The following IQCM variants were observed in gnomAD, a reference collection of about 807,000 sequenced individuals.
The protein encoded by IQCM is IQ motif containing M, also known as IQ domain-containing protein M.
In IQCM, 45 loss-of-function variants were observed where a neutral mutation model predicts 57.6. The ratio of observed to expected loss-of-function variants is 0.78; its 90% CI spans 0.62 to 1.00. The LOEUF (loss-of-function observed/expected upper bound fraction) is 1.00. Ranked by LOEUF, IQCM falls within the 50% of genes least tolerant of loss-of-function variation. The probability of loss-of-function intolerance (pLI) is 0.00; values close to 1 mark genes in which losing one functional copy is unlikely to be tolerated. For missense variants in IQCM, 468 were observed against 511.6 expected, an observed-to-expected ratio of 0.91 and a Z score of 0.82; for synonymous variants, 148 against 158.9, an observed-to-expected ratio of 0.93 and a Z score of 0.51.
intron 7 of IQCM, among the ~76,000 whole-genome samples, chr4:149,662,676 T>C (rs1760329425): frequency 6.6e-6 from 1 of 151,998 alleles, no homozygotes; most frequent in Non-Finnish European, 1.5e-5. Flanking sequence ...TGTTTCTTTC[T>C]ATAATTTTTT....
At chr4:149,443,660 TAAAGA>T (rs1560844993) in intron 12 of IQCM, among the ~76,000 whole-genome samples, 1 of 68,652 alleles carries the variant, frequency 1.5e-5, no homozygotes, top group African/African-American at 6.3e-5. Context: ...AAGCCAATGG[TAAAGA>T]AAGGAAAGGA....
rs576575454 is a variant in IQCM, at chr4:149,647,624, T to C, written c.566-26380A>G. On this transcript the variant is annotated intron_variant, in intron 7 of 13. Transcript: ENST00000636793. ...CTTATCCTTTTTCTTTTACTTCTTTTGCTTTTCTTTTTTTCTTCTCTTTTT... is the reference window on the plus strand; with the variant it reads ...CTTATCCTTTTTCTTTTACTTCTTTCGCTTTTCTTTTTTTCTTCTCTTTTT... Among the ~76,000 whole-genome samples, 8 of 152,108 alleles carry C rather than the reference T, an allele frequency of 5.3e-5. No homozygotes were observed. In the South Asian group the frequency reaches 1.4e-3, roughly 28 times the overall value.
intron 12 of IQCM, among the ~76,000 whole-genome samples, chr4:149,538,450 AGAAG>A (rs1164686377): frequency 6.6e-6 from 1 of 151,956 alleles, no homozygotes; most frequent in Non-Finnish European, 1.5e-5. Flanking sequence ...AAAATGCAAA[AGAAG>A]GAAGTAAAGG....
Position 149,615,983 on chromosome 4 carries a change from C to T in IQCM, c.681+5146G>A, listed in dbSNP as rs534757561. 2.0e-5 allele frequency among the ~76,000 whole-genome samples: 3 copies of T among 152,176 alleles called. No homozygotes were observed. In the South Asian group the frequency reaches 6.2e-4, roughly 32 times the overall value. On this transcript the variant is annotated intron_variant, in intron 8 of 13. Coordinates refer to ENST00000636793, the MANE Select transcript of IQCM (RefSeq NM_001363507.2). ...ATAAGAAAATGGGAGAAACTAGAAC[C>T]CTTGTGCATTGCTGGTGGGAAGGTA...
chr4:149,418,461 G>A (rs1211527092), intron 13 of IQCM, among the ~76,000 whole-genome samples: 1 of 151,780 alleles, frequency 6.6e-6, no homozygotes, highest in African/African-American at 2.4e-5. Context: ...GCCTACCAAG[G>A]AAAAAACACG....
chr4:149,368,943 T>TGTGTATATATATACAC (rs1395697417), intron 13 of IQCM, among the ~76,000 whole-genome samples: 1 of 67,182 alleles, frequency 1.5e-5, no homozygotes, highest in African/African-American at 5.1e-5. Context: ...TGTATATATA[T>TGTGTATATATATACAC]GTGTATATAT....
intron 12 of IQCM, among the ~76,000 whole-genome samples, chr4:149,491,846 T>G (rs1186444314): frequency 6.6e-6 from 1 of 152,106 alleles, no homozygotes; most frequent in Non-Finnish European, 1.5e-5. Flanking sequence ...GTTTTCATAG[T>G]GGCCATACTA....
At chr4:149,780,530 G>GTT (rs1180503341) in intron 2 of IQCM, among the ~76,000 whole-genome samples, 2 of 138,432 alleles carry the variant, frequency 1.4e-5, no homozygotes, top group East Asian at 2.2e-4. Flanking sequence ...AAATATGTAA[G>GTT]TTATATATAT....
chr4:149,703,364 AT>A lies in IQCM; in HGVS notation c.386-16897del, dbSNP rs368724039. Among the ~76,000 whole-genome samples the A allele has an allele frequency of 8.4e-3, 1,272 of 152,084 alleles. 23 individuals carry two copies. The highest frequency in any genetic ancestry group is 0.029 in the African/African-American group (1,223 of 41,536). ...AATTCTTATTCATGTTAACATTAAA[AT>A]TAGTACTTCCAGTGGCATGTTTAGG... On this transcript the variant is annotated intron_variant, in intron 5 of 13. Coordinates refer to ENST00000636793, the MANE Select transcript of IQCM (RefSeq NM_001363507.2).
intron 5 of IQCM, among the ~76,000 whole-genome samples, chr4:149,717,179 T>C (rs1309123934): frequency 1.3e-5 from 2 of 152,156 alleles, no homozygotes; most frequent in Non-Finnish European, 2.9e-5. Flanking sequence ...GAAACCCCAA[T>C]TTATAGCCAG....
At chr4:149,554,127 A>G (rs1174821057) in intron 10 of IQCM, among the ~76,000 whole-genome samples, 1 of 152,086 alleles carries the variant, frequency 6.6e-6, no homozygotes, top group Non-Finnish European at 1.5e-5. Flanking sequence ...TTGTTTAGGA[A>G]TGTGTTTACA....
intron 13 of IQCM, among the ~76,000 whole-genome samples, chr4:149,375,020 A>T (rs1730617950): frequency 6.9e-6 from 1 of 145,698 alleles, no homozygotes. Context: ...GATGTTCTTT[A>T]TTAGCAAAAT....
At chr4:149,598,105 G>A (rs1753946263) in intron 8 of IQCM, among the ~76,000 whole-genome samples, 1 of 152,124 alleles carries the variant, frequency 6.6e-6, no homozygotes, top group Non-Finnish European at 1.5e-5. Context: ...GAAGTATTTT[G>A]CCAACTGACC....
chr4:149,811,084 TA>T (rs1774524669), intron 2 of IQCM, among the ~76,000 whole-genome samples: 1 of 152,194 alleles, frequency 6.6e-6, no homozygotes, highest in South Asian at 2.1e-4. Flanking sequence ...ATTTCTAAAA[TA>T]AGTGGATTAT....
chr4:149,688,113 G>C (rs1012381076), intron 5 of IQCM, among the ~76,000 whole-genome samples: 5 of 152,034 alleles, frequency 3.3e-5, no homozygotes, highest in Middle Eastern at 3.4e-3. Context: ...AATCAGACAA[G>C]AGAAAGAAAT....
intron 8 of IQCM, among the ~76,000 whole-genome samples, chr4:149,616,929 C>A (rs1026023875): frequency 2.0e-5 from 3 of 151,980 alleles, no homozygotes; most frequent in Admixed American, 6.6e-5. Flanking sequence ...ATGTAACAAA[C>A]CTACATGTTC....
intron 2 of IQCM, among the ~76,000 whole-genome samples, chr4:149,765,989 G>C (rs149573161): frequency 6.6e-6 from 1 of 151,878 alleles, no homozygotes; most frequent in Non-Finnish European, 1.5e-5. Context: ...CCCCCTGCCC[G>C]CCAAATTATC....
chr4:149,752,542 C>T (rs1483685545), intron 2 of IQCM, among the ~76,000 whole-genome samples: 3 of 119,214 alleles, frequency 2.5e-5, no homozygotes, highest in African/African-American at 6.9e-5. Flanking sequence ...CAGAATGAGA[C>T]TCTGTCTTAA....
chr4:149,716,490 A>G (rs1561192842), intron 5 of IQCM, among the ~76,000 whole-genome samples: 1 of 152,176 alleles, frequency 6.6e-6, no homozygotes, highest in Non-Finnish European at 1.5e-5. Flanking sequence ...CCGCTGTTGC[A>G]GCTAGGCAGC....
Sources: gnomAD v4.1 joint callset for allele counts (sites outside exome capture counted in the v4.1 genomes callset) on GRCh38, gnomAD v4.1.1 for gene constraint, MANE v1.5 for transcripts, NCBI Gene and HGNC (gene_info 2026-07-23, HGNC 2026-07-21) for gene names.